COL13A1: variants seen among roughly 807,000 people sequenced by gnomAD.
The protein encoded by COL13A1 is collagen type XIII alpha 1 chain, also known as collagen alpha-1(XIII) chain.
A neutral mutation model predicts 130.9 loss-of-function variants in COL13A1; 89 were observed. The ratio of observed to expected loss-of-function variants is 0.68; its 90% CI spans 0.57 to 0.81. The LOEUF (loss-of-function observed/expected upper bound fraction) is 0.81, where lower values mean the gene tolerates loss of function less well. COL13A1 is among the 30% of genes least tolerant of loss of function. The pLI is 0.00. For missense variants in COL13A1, 879 were observed against 934.6 expected (o/e 0.94, Z 0.78); for synonymous variants, 402 against 341.6 (o/e 1.18, Z -1.95).
At chr10:69,929,522 G>A (rs1028866286) in intron 28 of COL13A1, among the ~76,000 whole-genome samples, 11 of 151,986 alleles carry the variant, frequency 7.2e-5, no homozygotes, top group Non-Finnish European at 8.8e-5. Context: ...AAGCCTCCCT[G>A]ATCTATCAGG....
rs184436576 is a variant in COL13A1, at chr10:69,870,725, G to A, written c.373-1459G>A. ...GATTGACAAGCTACATAAGGAAACAGAAGGTGAGGGGTGGAGAACAGAGGC... is the reference window on the plus strand; with the variant it reads ...GATTGACAAGCTACATAAGGAAACAAAAGGTGAGGGGTGGAGAACAGAGGC... On this transcript the variant is annotated intron_variant, in intron 3 of 40. Coordinates refer to ENST00000645393, the MANE Select transcript of COL13A1 (RefSeq NM_001368882.1). Among the ~76,000 whole-genome samples, 267 of 152,216 alleles carry A rather than the reference G, an allele frequency of 1.8e-3. 3 individuals carry two copies. The highest frequency in any genetic ancestry group is 6.1e-3 in the African/African-American group (253 of 41,530).
chr10:69,920,569 A>T (rs952304613), intron 21 of COL13A1, among the ~76,000 whole-genome samples: 1 of 152,176 alleles, frequency 6.6e-6, no homozygotes, highest in South Asian at 2.1e-4. Flanking sequence ...GCCCTAGAAG[A>T]AGGGGAAGAA....
intron 2 of COL13A1, among the ~76,000 whole-genome samples, chr10:69,837,311 C>T (rs73267738): frequency 0.011 from 1,717 of 152,298 alleles, 41 homozygotes; most frequent in African/African-American, 0.039. Context: ...GTTCCAAATG[C>T]TTGACCACAT....
chr10:69,925,957 GCCGAGTAGGGGCC>G (rs1210026416), intron 26 of COL13A1, 85 bp downstream of exon 26: 2 of 1,133,306 alleles, frequency 1.8e-6, no homozygotes, highest in Admixed American at 2.0e-5. Flanking sequence ...CTTCCACACA[GCCGAGTAGGGGCC>G]CTGCCCTCAG....
At chr10:69,897,640 T>C in intron 13 of COL13A1, 1 of 1,235,018 alleles carries the variant, frequency 8.1e-7, no homozygotes, top group South Asian at 1.4e-5. Context: ...CGGGTGGAGC[T>C]CTGTGTGCCA....
intron 3 of COL13A1, among the ~76,000 whole-genome samples, chr10:69,871,554 G>C (rs990631696): frequency 2.0e-5 from 3 of 152,152 alleles, no homozygotes; most frequent in Non-Finnish European, 2.9e-5. Context: ...ACGTTAGAAG[G>C]GTTGACTTAC....
chr10:69,859,710 C>G (rs1468644462), intron 2 of COL13A1, among the ~76,000 whole-genome samples: 1 of 152,242 alleles, frequency 6.6e-6, no homozygotes, highest in Non-Finnish European at 1.5e-5. Flanking sequence ...GGACCACTTG[C>G]CCCTCCCAGT....
rs377178809 is a variant in COL13A1, at chr10:69,898,791, G to A, written c.750+29G>A. 3.6e-5 allele frequency: 57 copies of A among 1,589,248 alleles called. No homozygotes were observed. The African/African-American group carries it at 6.6e-4, about 18-fold the overall frequency. ...GACACCTCCCGTTTGTCCAGACCAT[G>A]TGTGGTTTCCCAAGGGGCCCGGCAA... On this transcript the variant is annotated intron_variant, in intron 14 of 40. Coordinates refer to ENST00000645393, the MANE Select transcript of COL13A1 (RefSeq NM_001368882.1).
intron 1 of COL13A1, among the ~76,000 whole-genome samples, chr10:69,817,956 CACTT>C (rs926693325): frequency 2.6e-5 from 4 of 152,062 alleles, no homozygotes; most frequent in African/African-American, 9.7e-5. Flanking sequence ...GCCAAGAAAA[CACTT>C]ACACCCTGAA....
At chr10:69,847,849 C>A (rs1010071371) in intron 2 of COL13A1, among the ~76,000 whole-genome samples, 5 of 152,206 alleles carry the variant, frequency 3.3e-5, no homozygotes, top group African/African-American at 7.2e-5. Flanking sequence ...AACAACTTTG[C>A]CGTCAAGGTC....
chr10:69,838,511 G>A (rs1370225880), intron 2 of COL13A1, among the ~76,000 whole-genome samples: 4 of 152,214 alleles, frequency 2.6e-5, no homozygotes, highest in Non-Finnish European at 5.9e-5. Context: ...CTGGCATGGG[G>A]AGGAGTTTAA....
At chr10:69,820,959 G>A (rs550678149) in intron 1 of COL13A1, among the ~76,000 whole-genome samples, 144 of 152,206 alleles carry the variant, frequency 9.5e-4, no homozygotes, top group African/African-American at 3.3e-3. Flanking sequence ...AACCAGAGGC[G>A]ATACCACCCT....
At position 69,922,737 on chromosome 10, in the gene COL13A1, T is replaced by C. The variant is rs754192473; in HGVS notation, c.1173T>C (p.Ile391=). Residue 391 remains isoleucine, a synonymous_variant, in exon 23 of 41, where the codon ATT becomes ATC. Transcript: ENST00000645393. ...AGAAAGGCGATGCTGGCAACTCCAT[T>C]GGAGGAGGCAGAGGGGAACCTGGCC... ...KGEKGDAGNS[I]GGGRGEPGPP... is the part of the protein sequence containing the mutation. The C allele has an allele frequency of 1.2e-6, 2 of 1,606,970 alleles. No homozygotes were observed. Among genetic ancestry groups the C allele is most frequent in the South Asian group, 2.2e-5 (2 of 89,058 alleles).
chr10:69,913,453 T>C (rs2063591162), intron 17 of COL13A1, among the ~76,000 whole-genome samples: 1 of 152,078 alleles, frequency 6.6e-6, no homozygotes, highest in Non-Finnish European at 1.5e-5. Flanking sequence ...GCACAATTAC[T>C]AATACACTTT....
At chr10:69,935,662 T>A (rs538370697) in intron 32 of COL13A1, among the ~76,000 whole-genome samples, 100 of 152,312 alleles carry the variant, frequency 6.6e-4, no homozygotes, top group African/African-American at 2.2e-3. Context: ...GCCCAACATT[T>A]ACCTCACCCT....
intron 38 of COL13A1, among the ~76,000 whole-genome samples, chr10:69,949,508 A>G (rs145851843): frequency 6.6e-6 from 1 of 152,296 alleles, no homozygotes; most frequent in East Asian, 1.9e-4. Context: ...CTTACAGTGA[A>G]CCAAGATACA....
chr10:69,867,549 C>T lies in COL13A1; in HGVS notation c.365-249C>T, dbSNP rs565942659. Among the ~76,000 whole-genome samples, 63 of 152,306 alleles carry T rather than the reference C, an allele frequency of 4.1e-4. No homozygotes were observed. The East Asian group carries it at 7.7e-3, about 19-fold the overall frequency. Reference sequence around the variant, plus strand: ...TGGGAAACTGAGGCAGAAGGGCCACCGGCAGGTCCCCAGCAGGGCTGAGCC... The same window carrying T: ...TGGGAAACTGAGGCAGAAGGGCCACTGGCAGGTCCCCAGCAGGGCTGAGCC... On this transcript the variant is annotated intron_variant, in intron 2 of 40. Coordinates refer to ENST00000645393, the MANE Select transcript of COL13A1 (RefSeq NM_001368882.1).
chr10:69,949,268 C>A (rs755672451), intron 38 of COL13A1, among the ~76,000 whole-genome samples: 1 of 152,146 alleles, frequency 6.6e-6, no homozygotes, highest in Non-Finnish European at 1.5e-5. Flanking sequence ...TTGCAAACTC[C>A]GCCTCCCGGG....
chr10:69,958,920 G>T lies in COL13A1; in HGVS notation c.*219G>T. On this transcript the variant is annotated 3_prime_UTR_variant, in exon 41 of 41. Transcript: ENST00000645393. ...TATGTCTCTAATACATTTTTTGTTT[G>T]GTCGTAATGTCTGCATGATATTTGT... 1 of 578,446 alleles carries T rather than the reference G, an allele frequency of 1.7e-6. No homozygotes were observed. Among genetic ancestry groups the T allele is most frequent in the Non-Finnish European group, 2.9e-6 (1 of 341,974 alleles). The allele number at this position is 578,446 out of a possible 1,614,324, so 35.8% of individuals were successfully genotyped here.
Sources: allele counts gnomAD v4.1 joint callset (sites outside exome capture counted in the v4.1 genomes callset), GRCh38; gene constraint gnomAD v4.1.1; transcripts MANE v1.5; gene names NCBI Gene and HGNC (gene_info 2026-07-23, HGNC 2026-07-21).